Variants in TMCC1 observed in about 807,000 individuals in gnomAD.
TMCC1 encodes the protein transmembrane and coiled-coil domain family 1, also known as transmembrane and coiled-coil domains protein 1.
In TMCC1, 15 loss-of-function variants were observed where a neutral mutation model predicts 52.4. That is an observed-to-expected ratio of 0.29 (90% CI 0.19 to 0.44). The LOEUF (loss-of-function observed/expected upper bound fraction) is 0.44, where lower values mean the gene tolerates loss of function less well. TMCC1 is among the 20% of genes least tolerant of loss of function. TMCC1 has a pLI of 1.00. For missense variants in TMCC1, 503 were observed against 806.0 expected, an observed-to-expected ratio of 0.62 and a Z score of 4.55; for synonymous variants, 279 against 301.9, an observed-to-expected ratio of 0.92 and a Z score of 0.79.
chr3:129,712,985 G>C (rs947686711), intron 4 of TMCC1, among the ~76,000 whole-genome samples: 1 of 152,100 alleles, frequency 6.6e-6, no homozygotes, highest in Non-Finnish European at 1.5e-5. Flanking sequence ...CTGAAGGCTG[G>C]GCGTGGTGGC....
chr3:129,797,996 TTTTTC>T (rs1410294553), intron 4 of TMCC1, among the ~76,000 whole-genome samples: 5 of 150,740 alleles, frequency 3.3e-5, no homozygotes, highest in Non-Finnish European at 7.4e-5. Context: ...CTTTTTTTTT[TTTTTC>T]TTTTTTTTTT....
rs557946231 is a variant in TMCC1, at chr3:129,658,104, G to C, written c.1512-3001C>G. On this transcript the variant is annotated intron_variant, in intron 5 of 6. Transcript: ENST00000393238. ...TAATCTGCTTGTCATTTGCCACCTG[G>C]CAAGTTTCTGTTCACTTTCTTCCTT... Among the ~76,000 whole-genome samples the C allele has an allele frequency of 2.4e-4, 36 of 152,298 alleles. No homozygotes were observed. In the South Asian group the frequency reaches 2.7e-3, roughly 11 times the overall value.
chr3:129,819,338 C>T (rs1400086378), intron 4 of TMCC1, among the ~76,000 whole-genome samples: 1 of 152,102 alleles, frequency 6.6e-6, no homozygotes, highest in Non-Finnish European at 1.5e-5. Context: ...CCGCCTCGGC[C>T]TCCCAAAGTG....
chr3:129,732,541 T>C (rs1420889383), intron 4 of TMCC1, among the ~76,000 whole-genome samples: 1 of 152,232 alleles, frequency 6.6e-6, no homozygotes, highest in African/African-American at 2.4e-5. Context: ...TCAAATATCT[T>C]ATAATCTCCC....
rs377647860 is a variant in TMCC1 at position 129,788,044 on chromosome 3, C to T, written c.576+39759G>A. Among the ~76,000 whole-genome samples, 7 of 152,298 alleles carry T rather than the reference C, an allele frequency of 4.6e-5. No homozygotes were observed. The East Asian group carries it at 1.3e-3, about 29-fold the overall frequency. ...TCCACCTATGTCTCCAACTCCTCCTCACAAAGGCAGTCACTGTTACCTATA... is the reference window on the plus strand; with the variant it reads ...TCCACCTATGTCTCCAACTCCTCCTTACAAAGGCAGTCACTGTTACCTATA... On this transcript the variant is annotated intron_variant, in intron 4 of 6. Transcript: ENST00000393238.
chr3:129,736,797 A>C (rs1483894827), intron 4 of TMCC1, among the ~76,000 whole-genome samples: 1 of 151,900 alleles, frequency 6.6e-6, no homozygotes, highest in South Asian at 2.1e-4. Flanking sequence ...TGGGATTACA[A>C]GCGTGAGCCA....
At chr3:129,734,802 G>A (rs1004915085) in intron 4 of TMCC1, among the ~76,000 whole-genome samples, 2 of 152,120 alleles carry the variant, frequency 1.3e-5, no homozygotes, top group African/African-American at 4.8e-5. Flanking sequence ...AAAGTACCAA[G>A]TTTGAAAAGC....
At chr3:129,803,820 A>G (rs1480995592) in intron 4 of TMCC1, among the ~76,000 whole-genome samples, 4 of 152,126 alleles carry the variant, frequency 2.6e-5, no homozygotes, top group Admixed American at 6.5e-5. Context: ...ATTGTGTGTA[A>G]TTAAAAAAAA....
rs555476083 is a variant in TMCC1, at chr3:129,696,433, C to G, written c.577-25169G>C. Among the ~76,000 whole-genome samples the G allele has an allele frequency of 2.6e-5, 4 of 152,336 alleles. No individual in the cohort carries two copies. The South Asian group carries it at 8.3e-4, about 32-fold the overall frequency. On this transcript the variant is annotated intron_variant, in intron 4 of 6. Transcript: ENST00000393238. ...CATGCTTCCCTAAAATGTACAAAAC[C>G]AAGCTACAACCCAACTATCTTGGGC...
intron 4 of TMCC1, among the ~76,000 whole-genome samples, chr3:129,826,459 G>C (rs1415781340): frequency 1.3e-5 from 2 of 151,850 alleles, no homozygotes; most frequent in Non-Finnish European, 2.9e-5. Context: ...AGTGAGCCAC[G>C]ATCACACCAC....
chr3:129,761,940 G>A (rs56170685), intron 4 of TMCC1, among the ~76,000 whole-genome samples: 1 of 133,138 alleles, frequency 7.5e-6, no homozygotes, highest in East Asian at 2.3e-4. Flanking sequence ...GCAGTAAGCC[G>A]AGATCGTGCC....
At chr3:129,782,399 T>A (rs560739944) in intron 4 of TMCC1, among the ~76,000 whole-genome samples, 39 of 152,108 alleles carry the variant, frequency 2.6e-4, no homozygotes, top group Non-Finnish European at 5.0e-4. Context: ...AGTGTTTCAC[T>A]GAGGAGGGAA....
In TMCC1 at chr3:129,798,524, C is replaced by CAAAAAAA. The variant is rs796919072; in HGVS notation, c.576+29272_576+29278dup. 1.9e-4 allele frequency among the ~76,000 whole-genome samples: 13 copies of CAAAAAAA among 67,866 alleles called. 1 individual carries two copies. Among genetic ancestry groups the CAAAAAAA allele is most frequent in the East Asian group, 7.7e-4 (2 of 2,586 alleles). 44.5% of individuals were successfully genotyped at this position (67,866 alleles called of 152,430 possible). A position where few individuals can be genotyped will look rare whatever the true frequency, so the allele number is the denominator to read the frequency against. Reference sequence around the variant, plus strand: ...TCATTGCTAAAAGATTCTTCCTATCCAAAAAAAAAAAAAAAAAAAAAAGGA... The same window carrying CAAAAAAA: ...TCATTGCTAAAAGATTCTTCCTATCCAAAAAAAAAAAAAAAAAAAAAAAAAAAAAGGA... On this transcript the variant is annotated intron_variant, in intron 4 of 6. Coordinates refer to ENST00000393238, the MANE Select transcript of TMCC1 (RefSeq NM_001017395.5).
At chr3:129,785,661 A>G (rs1403924940) in intron 4 of TMCC1, among the ~76,000 whole-genome samples, 1 of 152,074 alleles carries the variant, frequency 6.6e-6, no homozygotes, top group Non-Finnish European at 1.5e-5. Flanking sequence ...TAGATCTATG[A>G]TCTTCAAATA....
chr3:129,772,524 G>C (rs914114987), intron 4 of TMCC1, among the ~76,000 whole-genome samples: 18 of 151,556 alleles, frequency 1.2e-4, no homozygotes, highest in African/African-American at 4.4e-4. Context: ...GACCATCCTG[G>C]CTAACACGGT....
At chr3:129,766,802 G>A (rs1413215844) in intron 4 of TMCC1, among the ~76,000 whole-genome samples, 1 of 151,572 alleles carries the variant, frequency 6.6e-6, no homozygotes. Flanking sequence ...TATTTTTAGT[G>A]GAGATAAGGT....
At chr3:129,704,203 G>A (rs984365211) in intron 4 of TMCC1, among the ~76,000 whole-genome samples, 1 of 152,120 alleles carries the variant, frequency 6.6e-6, no homozygotes, top group African/African-American at 2.4e-5. Flanking sequence ...TTATGATTTC[G>A]AATTTAGATA....
chr3:129,648,066 C>G lies in TMCC1; in HGVS notation c.*3415G>C, dbSNP rs1320126101. ...TCACCTAGCATACACGACATACAGA[C>G]AGCAATGTTAACTCTTAGAGCCACA... On this transcript the variant is annotated 3_prime_UTR_variant, in exon 7 of 7. Transcript: ENST00000393238. 1 of 152,628 alleles carries G rather than the reference C, an allele frequency of 6.6e-6. No individual in the cohort carries two copies. The highest frequency in any genetic ancestry group is 1.5e-5 in the Non-Finnish European group (1 of 68,044). The allele number at this position is 152,628 out of a possible 1,614,324, so 9.5% of individuals were successfully genotyped here. A position where few individuals can be genotyped will look rare whatever the true frequency, so the allele number is the denominator to read the frequency against.
At chr3:129,848,055 C>T (rs1194355802) in intron 2 of TMCC1, 1 of 152,174 alleles carries the variant, frequency 6.6e-6, no homozygotes, top group Non-Finnish European at 1.5e-5. Context: ...CTTCTAGATA[C>T]ACATCCTCTG....
Sources: gnomAD v4.1 joint callset for allele counts (sites outside exome capture counted in the v4.1 genomes callset) on GRCh38, gnomAD v4.1.1 for gene constraint, MANE v1.5 for transcripts, NCBI Gene and HGNC (gene_info 2026-07-23, HGNC 2026-07-21) for gene names.